The following GDI2 variants were observed in gnomAD, a reference collection of about 807,000 sequenced individuals.
GDI2 encodes GDP dissociation inhibitor 2, also known as rab GDP dissociation inhibitor beta.
Under a neutral mutation model 54.2 loss-of-function variants are expected in GDI2, and 22 were observed. The ratio of observed to expected loss-of-function variants is 0.41; its 90% CI spans 0.29 to 0.58. The LOEUF is 0.58. GDI2 is among the 20% of genes least tolerant of loss of function. GDI2 has a pLI of 0.35. For synonymous variants in GDI2, 177 were observed against 182.1 expected, an observed-to-expected ratio of 0.97 and a Z score of 0.23; for missense variants, 422 against 546.0, an observed-to-expected ratio of 0.77 and a Z score of 2.26.
Position 5,787,376 on chromosome 10 carries a change from C to T in GDI2, c.389-1326G>A, listed in dbSNP as rs548568120. Among the ~76,000 whole-genome samples, 364 of 152,196 alleles carry T rather than the reference C, an allele frequency of 2.4e-3. 3 individuals are homozygous for T. Among genetic ancestry groups the T allele is most frequent in the African/African-American group, 8.2e-3 (341 of 41,542 alleles). ...AAAATTAGCTGGGTGTGGTGGCGCA[C>T]GCCTGTAATCCCAACTACTTGGAAG... is the stretch of plus-strand genomic sequence containing the variant. On this transcript the variant is annotated intron_variant, in intron 4 of 10. Transcript: ENST00000380191.
Position 5,776,268 on chromosome 10 carries a change from G to A in GDI2, c.720-2327C>T, listed in dbSNP as rs1840617119. The A allele has an allele frequency of 3.9e-6, 2 of 507,420 alleles. No homozygotes were observed. The highest frequency in any genetic ancestry group is 3.7e-6 in the Non-Finnish European group (1 of 269,540). The allele number at this position is 507,420 out of a possible 1,614,324, so 31.4% of individuals were successfully genotyped here. A position where few individuals can be genotyped will look rare whatever the true frequency, so the allele number is the denominator to read the frequency against. ...CTCCTCATCCAAGACAGGTGGAAAAGGGCCCAGCGTGAAAAGACTGAAAGC... is the reference window on the plus strand; with the variant it reads ...CTCCTCATCCAAGACAGGTGGAAAAAGGCCCAGCGTGAAAAGACTGAAAGC... On this transcript the variant is annotated intron_variant, in intron 6 of 10. Transcript: ENST00000380191. The surrounding 1 kb of genome is among the most constrained non-coding windows in gnomAD (Gnocchi z 5.3).
intron 2 of GDI2, among the ~76,000 whole-genome samples, chr10:5,797,781 T>C (rs1219692273): frequency 6.6e-6 from 1 of 152,116 alleles, no homozygotes; most frequent in Non-Finnish European, 1.5e-5. Context: ...TCAATGACAC[T>C]GTATAGTTCT....
chr10:5,796,866 AAAGC>A lies in GDI2; in HGVS notation c.154-8_154-5del. ...GTATTTTAAATCTTTTGTATAACTA[AAAGC>A]AAGGAAAAACATAGCCATAATGTTA... On this transcript the variant is annotated splice_polypyrimidine_tract_variant and splice_region_variant and intron_variant, in intron 2 of 10. Coordinates refer to ENST00000380191, the MANE Select transcript of GDI2 (RefSeq NM_001494.4). The A allele has an allele frequency of 1.4e-6, 2 of 1,399,458 alleles. No individual in the cohort carries two copies. Among genetic ancestry groups the A allele is most frequent in the Non-Finnish European group, 2.0e-6 (2 of 987,000 alleles). 86.7% of individuals were successfully genotyped at this position (1,399,458 alleles called of 1,614,324 possible).
intron 2 of GDI2, among the ~76,000 whole-genome samples, chr10:5,798,538 A>G (rs1841196975): frequency 6.6e-6 from 1 of 151,838 alleles, no homozygotes; most frequent in Admixed American, 6.6e-5. Flanking sequence ...GCACTGAGCT[A>G]AGATCGTGCC....
At position 5,785,101 on chromosome 10, in the gene GDI2, T is replaced by C. The variant is rs1453926705; in HGVS notation, c.719+41A>G. 4 of 1,456,528 alleles carry C rather than the reference T, an allele frequency of 2.7e-6. No individual in the cohort carries two copies. In the South Asian group the frequency reaches 5.3e-5, roughly 19 times the overall value. 90.2% of individuals were successfully genotyped at this position (1,456,528 alleles called of 1,614,324 possible). On this transcript the variant is annotated intron_variant, in intron 6 of 10. Coordinates refer to ENST00000380191, the MANE Select transcript of GDI2 (RefSeq NM_001494.4). Reference sequence around the variant, plus strand: ...TCTCATATACACATTATGTTGAAGATGAGGTTTTGGATCACTGAGGTTTTA... The same window carrying C: ...TCTCATATACACATTATGTTGAAGACGAGGTTTTGGATCACTGAGGTTTTA...
In GDI2 at chr10:5,810,417, TGTG is replaced by T. The variant is rs559432847; in HGVS notation, c.45+2794_45+2796del. ...TCCATAGTGAACTATGTGCAAATTA[TGTG>T]GTGAGAGGCTGCCTACACATGCTGA... On this transcript the variant is annotated intron_variant, in intron 1 of 10. Transcript: ENST00000380191. 4.2e-3 allele frequency among the ~76,000 whole-genome samples: 643 copies of T among 152,310 alleles called. 5 individuals are homozygous for T. The highest frequency in any genetic ancestry group is 0.015 in the African/African-American group (619 of 41,556).
At chr10:5,782,034 G>A (rs1225239892) in intron 6 of GDI2, among the ~76,000 whole-genome samples, 1 of 152,088 alleles carries the variant, frequency 6.6e-6, no homozygotes, top group African/African-American at 2.4e-5. Flanking sequence ...TAACACTTAT[G>A]CTTATCAAAA....
chr10:5,798,620 C>T (rs891123358), intron 2 of GDI2, among the ~76,000 whole-genome samples: 10 of 151,730 alleles, frequency 6.6e-5, no homozygotes, highest in African/African-American at 2.4e-4. Flanking sequence ...TTCATGACTC[C>T]CTCAATACAT....
chr10:5,794,814 T>A (rs1173765057), intron 4 of GDI2, 71 bp downstream of exon 4: 1 of 1,046,794 alleles, frequency 9.6e-7, no homozygotes, highest in African/African-American at 1.6e-5. Flanking sequence ...TCTCTAAGAC[T>A]CTTTTCCAGT....
chr10:5,771,510 C>T (rs72772355), intron 7 of GDI2, among the ~76,000 whole-genome samples: 29,202 of 152,098 alleles, frequency 0.19, 3,157 homozygotes, highest in Admixed American at 0.26. Context: ...CAATGTGGCA[C>T]AGGGAAGCCA....
intron 4 of GDI2, among the ~76,000 whole-genome samples, chr10:5,793,495 T>G (rs904970990): frequency 6.6e-6 from 1 of 152,234 alleles, no homozygotes; most frequent in African/African-American, 2.4e-5. Flanking sequence ...TTCTTTGCAG[T>G]ATTTTTTACT....
rs190216695 is a variant in GDI2 at position 5,779,323 on chromosome 10, C to T, written c.720-5382G>A. Among the ~76,000 whole-genome samples, 45 of 152,078 alleles carry T rather than the reference C, an allele frequency of 3.0e-4. 1 individual carries two copies. The East Asian group carries it at 8.7e-3, about 29-fold the overall frequency. On this transcript the variant is annotated intron_variant, in intron 6 of 10. Transcript: ENST00000380191. The stretch of plus-strand genomic sequence containing the variant: ...CAGGAGATGAGACCATCCTGGCCAA[C>T]ATGGTGAAACCCCATCTCTACTAAA...
chr10:5,794,946 A>G lies in GDI2; in HGVS notation c.327T>C (p.Phe109=). 1 of 1,600,548 alleles carries G rather than the reference A, an allele frequency of 6.2e-7. No homozygotes were observed. The highest frequency in any genetic ancestry group is 8.6e-7 in the Non-Finnish European group (1 of 1,167,662). ...YLDFKVTEGS[F]VYKGGKIYKV... is the part of the protein sequence containing the mutation. ...TGTAGATTTTTCCACCCTTATAGAC[A>G]AAGCTCCCTTCAGTCACTTTAAAAT... Residue 109 remains phenylalanine (F), a synonymous_variant, in exon 4 of 11, where the codon TTT becomes TTC. Transcript: ENST00000380191.
Position 5,776,928 on chromosome 10 carries a change from T to G in GDI2, c.720-2987A>C. 1.5e-6 allele frequency: 1 copy of G among 660,216 alleles called. No homozygotes were observed. Among genetic ancestry groups the G allele is most frequent in the Non-Finnish European group, 2.5e-6 (1 of 398,466 alleles). 40.9% of individuals were successfully genotyped at this position (660,216 alleles called of 1,614,324 possible). ...GAAAACAGTTAATCCAGCAAAAAAA[T>G]TAAAAGGGAAAACCACATAGAAGGG... On this transcript the variant is annotated intron_variant, in intron 6 of 10. Coordinates refer to ENST00000380191, the MANE Select transcript of GDI2 (RefSeq NM_001494.4). The surrounding 1 kb of genome is among the most constrained non-coding windows in gnomAD (Gnocchi z 5.3).
chr10:5,793,876 C>T (rs1017521597), intron 4 of GDI2, among the ~76,000 whole-genome samples: 3 of 151,930 alleles, frequency 2.0e-5, no homozygotes, highest in Non-Finnish European at 2.9e-5. Flanking sequence ...AATAAGATCA[C>T]TCCAAGGCTG....
chr10:5,772,674 T>G (rs934211258), intron 7 of GDI2, among the ~76,000 whole-genome samples: 1 of 152,080 alleles, frequency 6.6e-6, no homozygotes, highest in Non-Finnish European at 1.5e-5. Flanking sequence ...GGAGAATCAC[T>G]TGAACCTGGA....
intron 6 of GDI2, among the ~76,000 whole-genome samples, chr10:5,781,686 AT>A (rs1220122645): frequency 6.6e-6 from 1 of 151,614 alleles, no homozygotes; most frequent in African/African-American, 2.4e-5. Context: ...CATTAAAAAA[AT>A]TTTTTCTTTG....
chr10:5,785,563 A>T (rs11595038), intron 5 of GDI2, among the ~76,000 whole-genome samples: 1 of 152,004 alleles, frequency 6.6e-6, no homozygotes, highest in African/African-American at 2.4e-5. Flanking sequence ...TTTAGTAGAG[A>T]GGGGGTTTCA....
At chr10:5,781,886 G>A (rs1243804744) in intron 6 of GDI2, among the ~76,000 whole-genome samples, 1 of 152,038 alleles carries the variant, frequency 6.6e-6, no homozygotes, top group African/African-American at 2.4e-5. Flanking sequence ...GGTGGCACAT[G>A]CCTGTAGTCC....
Sources: gnomAD v4.1 joint callset for allele counts (sites outside exome capture counted in the v4.1 genomes callset) on GRCh38, gnomAD v4.1.1 for gene constraint, Gnocchi (gnomAD v3.1) non-coding constraint, MANE v1.5 for transcripts, NCBI Gene and HGNC (gene_info 2026-07-23, HGNC 2026-07-21) for gene names.